EML4: variants seen among roughly 807,000 people sequenced by gnomAD.
EML4 encodes EMAP like 4.
A neutral mutation model predicts 129.0 loss-of-function variants in EML4; 72 were observed. The observed-to-expected ratio is 0.56, with a 90% CI of 0.46 to 0.68. EML4 has a LOEUF of 0.68. Ranked by LOEUF, EML4 falls within the 30% of genes least tolerant of loss-of-function variation. The probability of loss-of-function intolerance (pLI) is 0.00; values close to 1 mark genes in which losing one functional copy is unlikely to be tolerated. For synonymous variants in EML4, 532 were observed against 405.0 expected, an observed-to-expected ratio of 1.31 and a Z score of -3.77; for missense variants, 1,363 against 1,190.6, an observed-to-expected ratio of 1.14 and a Z score of -2.13.
At chr2:42,202,005 C>T (rs192409112) in intron 1 of EML4, among the ~76,000 whole-genome samples, 319 of 151,978 alleles carry the variant, frequency 2.1e-3, no homozygotes, top group African/African-American at 7.5e-3. Context: ...CTCGCTTGAA[C>T]TCGGGGGGCA....
intron 7 of EML4, among the ~76,000 whole-genome samples, chr2:42,281,575 C>T (rs1252848613): frequency 6.6e-6 from 1 of 152,192 alleles, no homozygotes; most frequent in East Asian, 1.9e-4. Context: ...GGCCCTGCCA[C>T]TTACTCTCCG....
intron 17 of EML4, among the ~76,000 whole-genome samples, chr2:42,305,930 T>G (rs536875564): frequency 6.6e-6 from 1 of 152,332 alleles, no homozygotes; most frequent in East Asian, 1.9e-4. Context: ...AGATACAAAT[T>G]AACACCTGAA....
At chr2:42,317,398 C>G (rs200029040) in intron 18 of EML4, 29 bp from the exon 19 acceptor site, 3 of 1,324,082 alleles carry the variant, frequency 2.3e-6, no homozygotes, top group Admixed American at 2.0e-5. Flanking sequence ...GTATATTTCT[C>G]TAGTCAACAC....
At position 42,263,297 on chromosome 2, in the gene EML4, C is replaced by T; in HGVS notation, c.632C>T (p.Thr211Ile). Reference sequence around the variant, plus strand: ...AAATTAATACCAAAAGTTACCAAAACTGCAGACAAGTAAGTATTGCACTTT... The same window carrying T: ...AAATTAATACCAAAAGTTACCAAAATTGCAGACAAGTAAGTATTGCACTTT... ...TPKLIPKVTK[T>I]ADKHKDVIIN... Residue 211 changes from threonine (T) to isoleucine (I), a missense_variant, in exon 5 of 23, where the codon ACT becomes ATT. Transcript: ENST00000318522. 7 of 1,607,880 alleles carry T rather than the reference C, an allele frequency of 4.4e-6. No homozygotes were observed. The highest frequency in any genetic ancestry group is 5.9e-6 in the Non-Finnish European group (7 of 1,177,174).
In EML4 at chr2:42,331,783, C is replaced by T. The variant is rs552740858; in HGVS notation, c.*1576C>T. On this transcript the variant is annotated 3_prime_UTR_variant, in exon 23 of 23. Transcript: ENST00000318522. ...GACATTTACAACATTTATATTCACA[C>T]GCTGTATGGAAGGGTGTGGGTGTGT... 1.8e-5 allele frequency: 4 copies of T among 221,716 alleles called. No individual in the cohort carries two copies. Among genetic ancestry groups the T allele is most frequent in the East Asian group, 6.6e-5 (1 of 15,106 alleles). 13.7% of individuals were successfully genotyped at this position (221,716 alleles called of 1,614,324 possible).
At chr2:42,241,391 C>T (rs1397071302) in intron 1 of EML4, among the ~76,000 whole-genome samples, 1 of 152,098 alleles carries the variant, frequency 6.6e-6, no homozygotes, top group Non-Finnish European at 1.5e-5. Flanking sequence ...AATTGATCAT[C>T]CAAGTCAGGG....
intron 1 of EML4, among the ~76,000 whole-genome samples, chr2:42,194,016 C>T (rs968010648): frequency 3.3e-5 from 5 of 152,158 alleles, no homozygotes; most frequent in African/African-American, 1.2e-4. Context: ...GTTAACATTA[C>T]TTTATTGTGA....
chr2:42,252,357 C>T (rs1200024737), intron 2 of EML4, among the ~76,000 whole-genome samples: 3 of 152,102 alleles, frequency 2.0e-5, no homozygotes, highest in Admixed American at 6.5e-5. Context: ...TGATGGTTTC[C>T]ACCGTGATTC....
At chr2:42,222,650 A>C (rs1299076136) in intron 1 of EML4, among the ~76,000 whole-genome samples, 1 of 152,154 alleles carries the variant, frequency 6.6e-6, no homozygotes. Context: ...TTGCTTTTTC[A>C]AAAACAGGAC....
chr2:42,236,041 G>A (rs1674654485), intron 1 of EML4, among the ~76,000 whole-genome samples: 1 of 151,968 alleles, frequency 6.6e-6, no homozygotes. Context: ...GTTCCATTAT[G>A]TGTGAGTGTC....
chr2:42,325,214 G>T (rs758655833), intron 19 of EML4: 8 of 564,792 alleles, frequency 1.4e-5, no homozygotes, highest in Middle Eastern at 2.9e-4. Context: ...TTAAGAGACT[G>T]TCTTTCTTGG....
At chr2:42,290,009 C>A (rs1667537829) in intron 11 of EML4, 2 of 151,794 alleles carry the variant, frequency 1.3e-5, no homozygotes, top group Non-Finnish European at 2.9e-5. Flanking sequence ...ATTGCTTGAA[C>A]CCTGGAGGCA....
chr2:42,171,738 G>T (rs984578385), intron 1 of EML4, among the ~76,000 whole-genome samples: 3 of 152,078 alleles, frequency 2.0e-5, no homozygotes, highest in Admixed American at 6.6e-5. Context: ...GAAGGAAATG[G>T]TTCCTGGCAG....
intron 1 of EML4, among the ~76,000 whole-genome samples, chr2:42,212,287 T>C (rs969431295): frequency 3.8e-4 from 58 of 152,248 alleles, no homozygotes; most frequent in Non-Finnish European, 2.9e-5. Flanking sequence ...GAAAAATTTC[T>C]AATTTGTATT....
At chr2:42,172,559 T>C (rs1001581452) in intron 1 of EML4, among the ~76,000 whole-genome samples, 6 of 152,356 alleles carry the variant, frequency 3.9e-5, no homozygotes, top group African/African-American at 1.4e-4. Context: ...GCAACTTGGC[T>C]GGCAGGTGCT....
intron 1 of EML4, among the ~76,000 whole-genome samples, chr2:42,186,591 A>G (rs1398856564): frequency 2.0e-5 from 3 of 152,150 alleles, no homozygotes; most frequent in Non-Finnish European, 4.4e-5. Context: ...GCAGTTAGCT[A>G]TTTGTGTCAG....
At position 42,325,605 on chromosome 2, in the gene EML4, TATATATATATA is replaced by T. The variant is rs1669757831; in HGVS notation, c.2242+52_2242+62del. The stretch of plus-strand genomic sequence containing the variant: ...TATATATATGCTATGATTATATTTA[TATATATATATA>T]TATATATATATATATATATATATGC... On this transcript the variant is annotated intron_variant, in intron 20 of 22. Coordinates refer to ENST00000318522, the MANE Select transcript of EML4 (RefSeq NM_019063.5). 5 of 22,016 alleles carry T rather than the reference TATATATATATA, an allele frequency of 2.3e-4. 1 individual carries two copies. Among genetic ancestry groups the T allele is most frequent in the African/African-American group, 1.2e-3 (3 of 2,450 alleles). The allele number at this position is 22,016 out of a possible 1,614,324, so 1.4% of individuals were successfully genotyped here. A position where few individuals can be genotyped will look rare whatever the true frequency, so the allele number is the denominator to read the frequency against.
intron 2 of EML4, among the ~76,000 whole-genome samples, chr2:42,255,266 T>A (rs1676056816): frequency 6.6e-6 from 1 of 151,812 alleles, no homozygotes; most frequent in Admixed American, 6.6e-5. Flanking sequence ...TTTGTATTTT[T>A]AGTAGATACA....
At chr2:42,298,477 A>G (rs2103696722) in intron 13 of EML4, among the ~76,000 whole-genome samples, 1 of 152,344 alleles carries the variant, frequency 6.6e-6, no homozygotes, top group South Asian at 2.1e-4. Flanking sequence ...TCAGAAATAC[A>G]GGCCCATAAG....
Sources: gnomAD v4.1 joint callset for allele counts (sites outside exome capture counted in the v4.1 genomes callset) on GRCh38, gnomAD v4.1.1 for gene constraint, MANE v1.5 for transcripts, NCBI Gene and HGNC (gene_info 2026-07-23, HGNC 2026-07-21) for gene names.